Variants in COL4A2 observed in about 807,000 individuals in gnomAD.
COL4A2 encodes the protein collagen type IV alpha 2 chain.
COL4A2 carries 99 observed loss-of-function variants against 200.2 expected under a neutral mutation model. The ratio of observed to expected loss-of-function variants is 0.49; its 90% CI spans 0.42 to 0.58. The LOEUF (loss-of-function observed/expected upper bound fraction) is 0.58. Ranked by LOEUF, COL4A2 falls within the 20% of genes least tolerant of loss-of-function variation. The pLI, the probability that COL4A2 is intolerant of heterozygous loss-of-function variation, is 0.00. For missense variants in COL4A2, 1,950 were observed against 2,314.1 expected, an observed-to-expected ratio of 0.84 and a Z score of 3.23; for synonymous variants, 897 against 900.6, an observed-to-expected ratio of 1.00 and a Z score of 0.07.
chr13:110,340,087 C>T (rs910709498), intron 3 of COL4A2, among the ~76,000 whole-genome samples: 1 of 152,324 alleles, frequency 6.6e-6, no homozygotes, highest in African/African-American at 2.4e-5. Flanking sequence ...ACCTCTCACC[C>T]AATGGGCACC....
chr13:110,404,096 C>T (rs1879475981), intron 4 of COL4A2, among the ~76,000 whole-genome samples: 1 of 152,206 alleles, frequency 6.6e-6, no homozygotes, highest in Non-Finnish European at 1.5e-5. Flanking sequence ...TTAATGCCAA[C>T]ACACTGGGGA....
At chr13:110,472,267 C>A (rs373745398) in intron 28 of COL4A2, among the ~76,000 whole-genome samples, 1 of 152,040 alleles carries the variant, frequency 6.6e-6, no homozygotes, top group Non-Finnish European at 1.5e-5. Flanking sequence ...AGGCATCCGC[C>A]ACCACACCTG....
intron 16 of COL4A2, among the ~76,000 whole-genome samples, chr13:110,441,942 A>C (rs1173668711): frequency 9.9e-5 from 15 of 151,140 alleles, no homozygotes; most frequent in Middle Eastern, 3.4e-3. Context: ...AAAAAAAATT[A>C]CCTGGGTGTG....
intron 29 of COL4A2, among the ~76,000 whole-genome samples, chr13:110,476,551 T>C (rs111362672): frequency 0.017 from 2,631 of 152,254 alleles, 78 homozygotes; most frequent in African/African-American, 0.061. Flanking sequence ...GTCCCTTTTG[T>C]CACTGCCCCC....
intron 3 of COL4A2, among the ~76,000 whole-genome samples, chr13:110,309,532 T>C (rs1450503868): frequency 6.6e-6 from 1 of 152,228 alleles, no homozygotes; most frequent in Non-Finnish European, 1.5e-5. Context: ...CACATCGGGC[T>C]GTGTGTGCTT....
intron 45 of COL4A2, among the ~76,000 whole-genome samples, chr13:110,505,000 T>C (rs1411004889): frequency 6.6e-6 from 1 of 152,018 alleles, no homozygotes; most frequent in African/African-American, 2.4e-5. Context: ...AAAATTTGTC[T>C]TAATCAACCT....
chr13:110,468,167 G>C (rs993921827), intron 27 of COL4A2: 1 of 471,276 alleles, frequency 2.1e-6, no homozygotes, highest in Non-Finnish European at 4.4e-6. Flanking sequence ...GCACCTTAAG[G>C]GGGTCTTCGG....
intron 4 of COL4A2, among the ~76,000 whole-genome samples, chr13:110,421,244 C>T (rs186766325): frequency 3.9e-5 from 6 of 152,250 alleles, no homozygotes; most frequent in African/African-American, 9.6e-5. Flanking sequence ...TTAGCAATTC[C>T]ACTCCTAGGA....
At chr13:110,403,268 C>G (rs967731977) in intron 4 of COL4A2, among the ~76,000 whole-genome samples, 3 of 152,210 alleles carry the variant, frequency 2.0e-5, no homozygotes, top group African/African-American at 7.2e-5. Flanking sequence ...CTCTCTGTTT[C>G]TTGATAAATT....
chr13:110,478,560 G>A (rs1031007059), intron 30 of COL4A2, among the ~76,000 whole-genome samples: 1 of 152,190 alleles, frequency 6.6e-6, no homozygotes, highest in Non-Finnish European at 1.5e-5. Flanking sequence ...GAGGAGCGGG[G>A]AGGGGAGGCT....
intron 4 of COL4A2, among the ~76,000 whole-genome samples, chr13:110,415,535 G>A (rs569511689): frequency 2.0e-5 from 3 of 152,264 alleles, no homozygotes; most frequent in South Asian, 4.2e-4. Flanking sequence ...CTTTTGGCTC[G>A]TAACCTTTTT....
chr13:110,342,597 T>C (rs1876508314), intron 3 of COL4A2, among the ~76,000 whole-genome samples: 2 of 152,200 alleles, frequency 1.3e-5, no homozygotes, highest in African/African-American at 4.8e-5. Context: ...CCTTTCATCC[T>C]AACGGCAACC....
intron 24 of COL4A2, among the ~76,000 whole-genome samples, chr13:110,464,963 C>T (rs929095522): frequency 6.6e-6 from 1 of 152,226 alleles, no homozygotes; most frequent in Non-Finnish European, 1.5e-5. Context: ...CGGCTCTTTC[C>T]TTGTCCAAAT....
At chr13:110,505,611 A>C (rs1462504303) in intron 45 of COL4A2, among the ~76,000 whole-genome samples, 1 of 152,166 alleles carries the variant, frequency 6.6e-6, no homozygotes, top group East Asian at 1.9e-4. Context: ...AGAAAGGGTC[A>C]CTGGGGATAG....
intron 4 of COL4A2, among the ~76,000 whole-genome samples, chr13:110,418,220 G>C (rs1367302854): frequency 6.6e-6 from 1 of 152,106 alleles, no homozygotes; most frequent in East Asian, 1.9e-4. Context: ...CAGTTGGATT[G>C]TTCATATCTT....
chr13:110,377,577 G>A (rs190507701), intron 4 of COL4A2, among the ~76,000 whole-genome samples: 3 of 152,280 alleles, frequency 2.0e-5, no homozygotes, highest in African/African-American at 7.2e-5. Context: ...CAGGAGGGTG[G>A]GAATTGTGAT....
rs78753604 is a variant in COL4A2, at chr13:110,471,231, G to A, written c.2204-1698G>A. 9.5e-3 allele frequency among the ~76,000 whole-genome samples: 1,446 copies of A among 152,314 alleles called. 5 individuals carry two copies. Among genetic ancestry groups the A allele is most frequent in the Non-Finnish European group, 0.014 (969 of 68,026 alleles). ...AGCCATGTGTGCGTGAACGCCACACGGGGCTCCCCTGTAGGGGGGAATGGA... is the reference window on the plus strand; with the variant it reads ...AGCCATGTGTGCGTGAACGCCACACAGGGCTCCCCTGTAGGGGGGAATGGA... On this transcript the variant is annotated intron_variant, in intron 28 of 47. Transcript: ENST00000360467.
Position 110,482,538 on chromosome 13 carries a change from G to A in COL4A2, c.2781G>A (p.Met927Ile), listed in dbSNP as rs765543373. 3 of 1,614,186 alleles carry A rather than the reference G, an allele frequency of 1.9e-6. No homozygotes were observed. In the Admixed American group the frequency reaches 5.0e-5, roughly 27 times the overall value. ...AAGGAGATAGAGGCTCACCTGGGATGGATGGTTTCCAAGGCATGCCTGGAC... is the reference window on the plus strand; with the variant it reads ...AAGGAGATAGAGGCTCACCTGGGATAGATGGTTTCCAAGGCATGCCTGGAC... ...GLKGDRGSPG[M>I]DGFQGMPGLK... The change falls in exon 32 of 48, where the codon ATG becomes ATA. Residue 927 changes from methionine to isoleucine, a missense_variant. This residue lies in a region of COL4A2 where 1,385 missense variants were observed against 1,720.5 expected (regional missense o/e 0.80). Transcript: ENST00000360467.
chr13:110,450,601 AT>A, intron 20 of COL4A2, 147 bp downstream of exon 20: 1 of 950,374 alleles, frequency 1.1e-6, no homozygotes, highest in Non-Finnish European at 1.6e-6. Context: ...ATCCAGGTAG[AT>A]TAGGGTGTAG....
Sources: gnomAD v4.1 joint callset for allele counts (sites outside exome capture counted in the v4.1 genomes callset) on GRCh38, gnomAD v4.1.1 for gene constraint, gnomAD v4.1.1 regional missense constraint, MANE v1.5 for transcripts, NCBI Gene and HGNC (gene_info 2026-07-23, HGNC 2026-07-21) for gene names.